Variants in MMS19 observed in about 807,000 individuals in gnomAD.
MMS19 encodes MMS19 cytosolic iron-sulfur assembly component, also known as MMS19 nucleotide excision repair protein homolog.
A neutral mutation model predicts 129.8 loss-of-function variants in MMS19; 77 were observed. The ratio of observed to expected loss-of-function variants is 0.59; its 90% CI spans 0.49 to 0.72. The LOEUF (loss-of-function observed/expected upper bound fraction) is 0.72. MMS19 is among the 30% of genes least tolerant of loss of function. The pLI, the probability that MMS19 is intolerant of heterozygous loss-of-function variation, is 0.00. For missense variants in MMS19, 1,168 were observed against 1,266.3 expected (o/e 0.92, Z 1.18); for synonymous variants, 491 against 502.8 (o/e 0.98, Z 0.31).
At chr10:97,477,147 A>G in intron 6 of MMS19, 184 bp from the exon 7 acceptor site, 1 of 1,475,870 alleles carries the variant, frequency 6.8e-7, no homozygotes, top group South Asian at 1.4e-5. Context: ...CTGTGGAGGC[A>G]AGAATTTAAA....
chr10:97,458,776 T>G, intron 30 of MMS19, 24 bp downstream of exon 30: 3 of 1,613,598 alleles, frequency 1.9e-6, no homozygotes, highest in Non-Finnish European at 2.5e-6. Flanking sequence ...TGGTCCCATC[T>G]CTCCCCACGA....
In MMS19 at chr10:97,466,127, AG is replaced by A. The variant is rs1490568688; in HGVS notation, c.1537del (p.Leu513TrpfsTer23). 6.3e-7 allele frequency: 1 copy of A among 1,586,022 alleles called. No individual in the cohort carries two copies. Among genetic ancestry groups the A allele is most frequent in the Non-Finnish European group, 8.6e-7 (1 of 1,166,086 alleles). Reference sequence around the variant, plus strand: ...GAAGGCCACAGGGTAGAGAGCAGCCAGGGTTCCTGATGCTTCCAGTGCTGCC... The same window carrying A: ...GAAGGCCACAGGGTAGAGAGCAGCCAGGTTCCTGATGCTTCCAGTGCTGCC... Reference protein sequence around the residue: ...RVAALEASGTLAALYPVAFSS... With the variant: ...RVAALEASGTXAALYPVAFSS... On this transcript the variant is annotated frameshift_variant, in exon 17 of 31. Coordinates refer to ENST00000438925, the MANE Select transcript of MMS19 (RefSeq NM_022362.5). LOFTEE classifies it high-confidence loss of function.
rs148967670 is a variant in MMS19, at chr10:97,469,913, G to C, written c.847-190C>G. Among the ~76,000 whole-genome samples the C allele has an allele frequency of 6.6e-5, 10 of 152,300 alleles. No homozygotes were observed. In the East Asian group the frequency reaches 1.9e-3, roughly 29 times the overall value. On this transcript the variant is annotated intron_variant, in intron 10 of 30. Coordinates refer to ENST00000438925, the MANE Select transcript of MMS19 (RefSeq NM_022362.5). The stretch of plus-strand genomic sequence containing the variant: ...GGTTGATAAAATAGAAGCCTAAAGA[G>C]GGAGTCCTGGTCAGCCTTTCCTCAG...
intron 1 of MMS19, among the ~76,000 whole-genome samples, chr10:97,488,206 A>T (rs539171292): frequency 3.3e-5 from 5 of 152,362 alleles, no homozygotes; most frequent in African/African-American, 9.6e-5. Context: ...CCATATTTAC[A>T]ATAAAAGATG....
At chr10:97,462,248 C>G in intron 20 of MMS19, 129 bp from the exon 21 acceptor site, 4 of 664,548 alleles carry the variant, frequency 6.0e-6, no homozygotes, top group Non-Finnish European at 1.1e-5. Context: ...CCTGATCATT[C>G]ATGCATTGAA....
At chr10:97,484,340 A>G (rs1187168812) in intron 1 of MMS19, among the ~76,000 whole-genome samples, 189 bp from the exon 2 acceptor site, 1 of 152,174 alleles carries the variant, frequency 6.6e-6, no homozygotes, top group Non-Finnish European at 1.5e-5. Context: ...TTTGTATAAA[A>G]ATTGAAAAGA....
At chr10:97,462,932 G>A (rs1291655326) in intron 19 of MMS19, 5 of 394,834 alleles carry the variant, frequency 1.3e-5, no homozygotes, top group Non-Finnish European at 2.2e-5. Flanking sequence ...GTGGGAAAGA[G>A]GGATAGCTAA....
intron 8 of MMS19, among the ~76,000 whole-genome samples, chr10:97,476,421 G>A (rs1036349962): frequency 2.6e-5 from 4 of 152,170 alleles, no homozygotes; most frequent in African/African-American, 9.7e-5. Flanking sequence ...CAGCCTTCAA[G>A]GGCAGGGACA....
Position 97,459,666 on chromosome 10 carries a change from A to T in MMS19, c.2732T>A (p.Leu911Gln), listed in dbSNP as rs759430785. 2 of 1,612,024 alleles carry T rather than the reference A, an allele frequency of 1.2e-6. No individual in the cohort carries two copies. Among genetic ancestry groups the T allele is most frequent in the Admixed American group, 3.3e-5 (2 of 59,710 alleles). Residue 911 changes from leucine to glutamine, a missense_variant, in exon 27 of 31, where the codon CTG (leucine) becomes CAG (glutamine). By Grantham distance (113) the Leu-to-Gln change is moderately radical (BLOSUM62 -2). Around this residue, in one of 3 missense-constraint regions of MMS19, gnomAD observed 831 missense variants for 910.8 expected, o/e 0.91. Coordinates refer to ENST00000438925, the MANE Select transcript of MMS19 (RefSeq NM_022362.5). Reference protein sequence around the residue: ...RLPKPVLLPELPTLLSLLLEA... With the variant: ...RLPKPVLLPEQPTLLSLLLEA... ...TCTGCCTGTGGGACTTACCGTGGGCAGCTCTGGCAAGAGTACAGGCTTGGG... is the reference window on the plus strand; with the variant it reads ...TCTGCCTGTGGGACTTACCGTGGGCTGCTCTGGCAAGAGTACAGGCTTGGG...
intron 29 of MMS19, 138 bp from the exon 30 acceptor site, chr10:97,459,038 G>T: frequency 4.1e-6 from 4 of 982,268 alleles, no homozygotes; most frequent in Non-Finnish European, 6.0e-6. Context: ...TGGCAGGATG[G>T]CCTTTCTGTT....
chr10:97,475,338 G>A (rs1221726334), intron 8 of MMS19, among the ~76,000 whole-genome samples: 2 of 152,084 alleles, frequency 1.3e-5, no homozygotes, highest in African/African-American at 2.4e-5. Flanking sequence ...CTGATAACTT[G>A]GTTGATTATG....
chr10:97,486,396 G>T (rs1437373196), intron 1 of MMS19, among the ~76,000 whole-genome samples: 1 of 152,188 alleles, frequency 6.6e-6, no homozygotes, highest in Non-Finnish European at 1.5e-5. Flanking sequence ...GGCCAGGCTG[G>T]TCTTGAACTA....
chr10:97,465,350 C>T (rs1282835984), intron 18 of MMS19, among the ~76,000 whole-genome samples: 1 of 151,294 alleles, frequency 6.6e-6, no homozygotes, highest in African/African-American at 2.4e-5. Context: ...GCTGGCCAGG[C>T]TGGAGTACAG....
In MMS19 at chr10:97,458,878, A is replaced by G. The variant is rs779330278; in HGVS notation, c.2987T>C (p.Val996Ala). Residue 996 changes from valine (V) to alanine (A), a missense_variant, in exon 30 of 31, where the codon GTG becomes GCG. By Grantham distance (64) the Val-to-Ala change is moderately conservative (BLOSUM62 0). This residue lies in a region of MMS19 where 831 missense variants were observed against 910.8 expected (regional missense o/e 0.91). Transcript: ENST00000438925. ...TPVLLPYKPQ[V>A]IRALAKPLDD... The stretch of plus-strand genomic sequence containing the variant: ...CAGGGGTTTGGCTAAGGCCCGAATC[A>G]CCTGTGGTTTGTACGGCAGCAGCTG... 5.6e-6 allele frequency: 9 copies of G among 1,613,838 alleles called. No individual in the cohort carries two copies. The highest frequency in any genetic ancestry group is 7.6e-6 in the Non-Finnish European group (9 of 1,179,890).
rs756700131 is a variant in MMS19 at position 97,498,396 on chromosome 10, G to C, written c.-12C>G. 3.2e-6 allele frequency: 5 copies of C among 1,578,682 alleles called. No homozygotes were observed. In the South Asian group the frequency reaches 5.7e-5, roughly 18 times the overall value. On this transcript the variant is annotated 5_prime_UTR_variant, in exon 1 of 31. Coordinates refer to ENST00000438925, the MANE Select transcript of MMS19 (RefSeq NM_022362.5). ...GCGGCAGCGGCCATAACGCGAACTAGAGACCGTGGGAGGGGATATGGGCGG... is the reference window on the plus strand; with the variant it reads ...GCGGCAGCGGCCATAACGCGAACTACAGACCGTGGGAGGGGATATGGGCGG...
intron 1 of MMS19, among the ~76,000 whole-genome samples, chr10:97,495,935 C>T (rs570345577): frequency 6.6e-6 from 1 of 152,246 alleles, no homozygotes; most frequent in Non-Finnish European, 1.5e-5. Context: ...GCATGCACCA[C>T]CATGCCTGGC....
At chr10:97,471,998 A>G (rs367866593) in intron 8 of MMS19, among the ~76,000 whole-genome samples, 2 of 152,360 alleles carry the variant, frequency 1.3e-5, no homozygotes, top group East Asian at 1.9e-4. Flanking sequence ...ATCATCAATT[A>G]AAGAATTCAA....
chr10:97,496,637 G>C (rs2039847463), intron 1 of MMS19, among the ~76,000 whole-genome samples: 1 of 151,294 alleles, frequency 6.6e-6, no homozygotes, highest in Admixed American at 6.6e-5. Context: ...CAAAATTATT[G>C]TTTTCGTATC....
intron 14 of MMS19, 69 bp downstream of exon 14, chr10:97,467,436 G>T: frequency 8.2e-7 from 1 of 1,220,214 alleles, no homozygotes; most frequent in Non-Finnish European, 1.2e-6. Flanking sequence ...AGCACTCTTT[G>T]CCCTGCTATC....
Sources: allele counts gnomAD v4.1 joint callset (sites outside exome capture counted in the v4.1 genomes callset), GRCh38; gene constraint gnomAD v4.1.1; regional missense constraint gnomAD v4.1.1; transcripts MANE v1.5; gene names NCBI Gene and HGNC (gene_info 2026-07-23, HGNC 2026-07-21).